Variants in SLC37A2 observed in about 807,000 individuals in gnomAD.
SLC37A2 encodes solute carrier family 37 member 2.
SLC37A2 carries 59 observed loss-of-function variants against 70.7 expected under a neutral mutation model. The ratio of observed to expected loss-of-function variants is 0.83; its 90% CI spans 0.68 to 1.04. SLC37A2 has a LOEUF of 1.04. Among genes scored for constraint, SLC37A2 ranks in the 50% least tolerant of loss-of-function variants. The pLI, the probability that SLC37A2 is intolerant of heterozygous loss-of-function variation, is 0.00. For missense variants in SLC37A2, 580 were observed against 658.1 expected (o/e 0.88, Z 1.30); for synonymous variants, 257 against 262.1 (o/e 0.98, Z 0.19).
Position 125,082,347 on chromosome 11 carries a change from G to T in SLC37A2, c.976+13G>T. ...ATCGCCAATGTGGGTAAGTCCAAGA[G>T]AAGGGGAATGAAGGGGTCTCTGAGG... On this transcript the variant is annotated intron_variant, in intron 10 of 17. Coordinates refer to ENST00000403796, the MANE Select transcript of SLC37A2 (RefSeq NM_001145290.2). 1.9e-6 allele frequency: 3 copies of T among 1,610,868 alleles called. No individual in the cohort carries two copies. The highest frequency in any genetic ancestry group is 1.7e-6 in the Non-Finnish European group (2 of 1,177,152).
rs747428738 is a variant in SLC37A2 at position 125,085,546 on chromosome 11, A to T, written c.1328-31A>T. On this transcript the variant is annotated intron_variant, in intron 15 of 17. Transcript: ENST00000403796. ...CTCCGGTGGGCAGGGGAGGTGCAGGACCCCTGCTCACGAGGCTGTGCTCCA... is the reference window on the plus strand; with the variant it reads ...CTCCGGTGGGCAGGGGAGGTGCAGGTCCCCTGCTCACGAGGCTGTGCTCCA... 6 of 1,611,096 alleles carry T rather than the reference A, an allele frequency of 3.7e-6. No individual in the cohort carries two copies. The Admixed American group carries it at 1.0e-4, about 27-fold the overall frequency.
chr11:125,066,408 A>G (rs780825017), intron 1 of SLC37A2, among the ~76,000 whole-genome samples: 1 of 152,234 alleles, frequency 6.6e-6, no homozygotes, highest in African/African-American at 2.4e-5. Flanking sequence ...GTAAGATCCC[A>G]TCTCTCAAAA....
rs376420600 is a variant in SLC37A2, at chr11:125,063,375, C to T, written c.8C>T (p.Ser3Phe). The T allele has an allele frequency of 3.1e-6, 5 of 1,611,748 alleles. No homozygotes were observed. The South Asian group carries it at 4.4e-5, about 14-fold the overall frequency. The change falls in exon 1 of 18, where the codon TCC becomes TTC. Residue 3 changes from serine (S) to phenylalanine (F), a missense_variant. By Grantham distance (155) the Ser-to-Phe change is radical. Transcript: ENST00000403796. This position sits in a 1 kb window ranked among gnomAD's most constrained non-coding sequence, Gnocchi z 5.4. MR[S>F]SLAPGVWFFR... ...AGGTACCGGTCAGGCAAAATGCGGTCCTCCCTGGCTCCGGGAGTCTGGTTC... is the reference window on the plus strand; with the variant it reads ...AGGTACCGGTCAGGCAAAATGCGGTTCTCCCTGGCTCCGGGAGTCTGGTTC...
At chr11:125,084,907 G>C in intron 13 of SLC37A2, 34 bp downstream of exon 13, 1 of 1,612,552 alleles carries the variant, frequency 6.2e-7, no homozygotes, top group East Asian at 2.2e-5. Flanking sequence ...GCCAGGCCAG[G>C]GGAAAGGCAC....
At chr11:125,078,960 G>A (rs1949118726) in intron 4 of SLC37A2, 152 bp from the exon 5 acceptor site, 1 of 887,762 alleles carries the variant, frequency 1.1e-6, no homozygotes, top group Non-Finnish European at 1.8e-6. Flanking sequence ...AGCAGTGGGG[G>A]ACAGAGGTTG....
intron 7 of SLC37A2, 46 bp from the exon 8 acceptor site, chr11:125,081,375 G>A: frequency 1.9e-6 from 3 of 1,576,752 alleles, no homozygotes; most frequent in Non-Finnish European, 2.6e-6. Context: ...CGGGATTGGG[G>A]GGGCGGGGGT....
chr11:125,066,778 G>A (rs1252639110), intron 1 of SLC37A2, among the ~76,000 whole-genome samples: 1 of 151,876 alleles, frequency 6.6e-6, no homozygotes, highest in African/African-American at 2.4e-5. Context: ...TAAAAATTCT[G>A]GGATATAATT....
At chr11:125,076,350 C>G (rs1267802137) in intron 1 of SLC37A2, among the ~76,000 whole-genome samples, 1 of 152,120 alleles carries the variant, frequency 6.6e-6, no homozygotes, top group Non-Finnish European at 1.5e-5. Flanking sequence ...CCGACTGTCT[C>G]CCTCCTACCC....
At chr11:125,081,984 G>C (rs1949156152) in intron 9 of SLC37A2, 78 bp downstream of exon 9, 2 of 1,481,270 alleles carry the variant, frequency 1.4e-6, no homozygotes, top group Non-Finnish European at 1.8e-6. Flanking sequence ...TGGGGTGCTT[G>C]GGTGATCTAT....
chr11:125,070,455 G>A (rs889957971), intron 1 of SLC37A2, among the ~76,000 whole-genome samples: 4 of 152,136 alleles, frequency 2.6e-5, no homozygotes, highest in Non-Finnish European at 2.9e-5. Flanking sequence ...AAGGAAGATC[G>A]AACTGAGGCT....
At position 125,076,744 on chromosome 11, in the gene SLC37A2, TC is replaced by T; in HGVS notation, c.60-10del. On this transcript the variant is annotated splice_polypyrimidine_tract_variant and intron_variant, in intron 1 of 17. Transcript: ENST00000403796. Reference sequence around the variant, plus strand: ...TGACTTCCCACTAACGCAGATGCTGTCCCTTCCTGCAGGTTCCGAGGCCTCA... The same window carrying T: ...TGACTTCCCACTAACGCAGATGCTGTCCTTCCTGCAGGTTCCGAGGCCTCA... The T allele has an allele frequency of 6.2e-7, 1 of 1,613,724 alleles. No homozygotes were observed. Among genetic ancestry groups the T allele is most frequent in the Non-Finnish European group, 8.5e-7 (1 of 1,179,654 alleles).
intron 14 of SLC37A2, 107 bp downstream of exon 14, chr11:125,085,246 C>A: frequency 7.5e-7 from 1 of 1,328,202 alleles, no homozygotes; most frequent in Non-Finnish European, 1.1e-6. Flanking sequence ...GAGGAGAAAC[C>A]GTCAAAGTCC....
chr11:125,085,797 C>T, intron 16 of SLC37A2, 123 bp downstream of exon 16: 2 of 1,250,848 alleles, frequency 1.6e-6, no homozygotes, highest in East Asian at 4.7e-5. Flanking sequence ...CTGCCCTTTG[C>T]TCAGAAGCAC....
At chr11:125,085,926 C>T in intron 16 of SLC37A2, 28 bp from the exon 17 acceptor site, 2 of 1,606,762 alleles carry the variant, frequency 1.2e-6, no homozygotes, top group Non-Finnish European at 1.7e-6. Context: ...CAGTGCCCTC[C>T]CTTCCCTCTG....
At chr11:125,076,917 G>T (rs1949093636) in intron 2 of SLC37A2, 79 bp downstream of exon 2, 6 of 1,394,922 alleles carry the variant, frequency 4.3e-6, no homozygotes, top group South Asian at 1.2e-5. Flanking sequence ...GGCCACCGAG[G>T]TTGCACCTTC....
At chr11:125,079,017 G>T in intron 4 of SLC37A2, 95 bp from the exon 5 acceptor site, 1 of 1,545,604 alleles carries the variant, frequency 6.5e-7, no homozygotes, top group South Asian at 1.2e-5. Flanking sequence ...ACCTTGGCCA[G>T]AGCCACTTCC....
chr11:125,084,066 G>A (rs1949177668), intron 11 of SLC37A2, among the ~76,000 whole-genome samples, 168 bp from the exon 12 acceptor site: 1 of 152,148 alleles, frequency 6.6e-6, no homozygotes, highest in Non-Finnish European at 1.5e-5. Context: ...CTTTTGTTTG[G>A]TCTCCAGTAG....
intron 8 of SLC37A2, 34 bp downstream of exon 8, chr11:125,081,492 C>A: frequency 6.3e-7 from 1 of 1,594,538 alleles, no homozygotes; most frequent in Non-Finnish European, 8.6e-7. Context: ...TATCCCTGCC[C>A]TCCAACTCCA....
Position 125,088,040 on chromosome 11 carries a change from G to T in SLC37A2, c.1491-79G>T, listed in dbSNP as rs1350358772. On this transcript the variant is annotated intron_variant, in intron 17 of 17. Coordinates refer to ENST00000403796, the MANE Select transcript of SLC37A2 (RefSeq NM_001145290.2). ...AATGATGAAGGGACCCTGGGACCCTGCCTTTCCTCTCCCTACTCAGCAGGA... is the reference window on the plus strand; with the variant it reads ...AATGATGAAGGGACCCTGGGACCCTTCCTTTCCTCTCCCTACTCAGCAGGA... 16 of 1,494,752 alleles carry T rather than the reference G, an allele frequency of 1.1e-5. No homozygotes were observed. The Admixed American group carries it at 3.0e-4, about 28-fold the overall frequency. 92.6% of individuals were successfully genotyped at this position (1,494,752 alleles called of 1,614,324 possible).
Sources: allele counts gnomAD v4.1 joint callset (sites outside exome capture counted in the v4.1 genomes callset), GRCh38; gene constraint gnomAD v4.1.1; non-coding constraint Gnocchi (gnomAD v3.1); transcripts MANE v1.5; gene names NCBI Gene and HGNC (gene_info 2026-07-23, HGNC 2026-07-21).